The following LRRC49 variants were observed in gnomAD, a reference collection of about 807,000 sequenced individuals.
LRRC49 encodes the protein leucine-rich repeat-containing protein 49.
A neutral mutation model predicts 83.3 loss-of-function variants in LRRC49; 50 were observed. The ratio of observed to expected loss-of-function variants is 0.60; its 90% confidence interval spans 0.48 to 0.76. The LOEUF (loss-of-function observed/expected upper bound fraction) is 0.76. Ranked by LOEUF, LRRC49 falls within the 30% of genes least tolerant of loss-of-function variation. The pLI is 0.00. For missense variants in LRRC49, 704 were observed against 809.1 expected, an observed-to-expected ratio of 0.87 and a Z score of 1.58; for synonymous variants, 286 against 283.3, an observed-to-expected ratio of 1.01 and a Z score of -0.10.
intron 7 of LRRC49, among the ~76,000 whole-genome samples, chr15:70,934,825 A>G (rs564045400): frequency 6.6e-6 from 1 of 152,326 alleles, no homozygotes; most frequent in Admixed American, 6.5e-5. Context: ...TTGAGTGCCA[A>G]TAACAATGAT....
chr15:70,953,479 G>A lies in LRRC49; in HGVS notation c.774-10306G>A, dbSNP rs1276192930. ...ACCCCAAATCTCTTCTGGCTTATAA[G>A]GTTTCTACTAAAAGGTCCATTGTTA... On this transcript the variant is annotated intron_variant, in intron 8 of 15. Transcript: ENST00000260382. 3.9e-5 allele frequency among the ~76,000 whole-genome samples: 6 copies of A among 152,254 alleles called. 1 individual carries two copies. The South Asian group carries it at 1.2e-3, about 32-fold the overall frequency.
chr15:70,927,924 C>G (rs2035267245), intron 7 of LRRC49, among the ~76,000 whole-genome samples: 1 of 152,170 alleles, frequency 6.6e-6, no homozygotes, highest in African/African-American at 2.4e-5. Context: ...TCAGAGTTTA[C>G]AGGCATGAGC....
chr15:70,903,358 A>C (rs1386773038), intron 4 of LRRC49, among the ~76,000 whole-genome samples: 1 of 152,124 alleles, frequency 6.6e-6, no homozygotes, highest in Non-Finnish European at 1.5e-5. Context: ...TGAAAAAATA[A>C]TTGAATATAT....
chr15:70,859,060 C>T, intron 1 of LRRC49: 1 of 1,504,416 alleles, frequency 6.6e-7, no homozygotes, highest in Non-Finnish European at 9.2e-7. Context: ...AGCAGCAGAA[C>T]AAGATGCTGG....
intron 1 of LRRC49, among the ~76,000 whole-genome samples, chr15:70,862,275 G>A (rs1225332064): frequency 2.0e-5 from 3 of 151,944 alleles, no homozygotes; most frequent in African/African-American, 7.3e-5. Context: ...TCACCTGGGG[G>A]GCTTTTAAAA....
At chr15:70,984,003 A>T (rs529763179) in intron 10 of LRRC49, 91 bp from the exon 11 acceptor site, 22 of 898,826 alleles carry the variant, frequency 2.4e-5, no homozygotes, top group Non-Finnish European at 3.5e-5. Flanking sequence ...TAAAAGTATT[A>T]TAAGAAGGCA....
chr15:70,922,487 C>T (rs2035044363), intron 7 of LRRC49, among the ~76,000 whole-genome samples: 1 of 151,850 alleles, frequency 6.6e-6, no homozygotes, highest in Non-Finnish European at 1.5e-5. Flanking sequence ...CAATTGAACT[C>T]ATAGACATAG....
chr15:70,867,415 C>A (rs1476508980), intron 1 of LRRC49, among the ~76,000 whole-genome samples: 2 of 152,034 alleles, frequency 1.3e-5, no homozygotes, highest in South Asian at 2.1e-4. Context: ...AAAGTACTGT[C>A]CAAGAGATGA....
At chr15:70,901,987 T>TGAC (rs746762306) in intron 4 of LRRC49, among the ~76,000 whole-genome samples, 8 of 152,314 alleles carry the variant, frequency 5.3e-5, no homozygotes, top group South Asian at 2.1e-4. Flanking sequence ...AGTGCACACC[T>TGAC]GACAACAAAT....
Position 70,992,394 on chromosome 15 carries a change from G to A in LRRC49, c.1169+8137G>A, listed in dbSNP as rs187076397. Among the ~76,000 whole-genome samples, 322 of 152,336 alleles carry A rather than the reference G, an allele frequency of 2.1e-3. 3 individuals are homozygous for A. Among genetic ancestry groups the A allele is most frequent in the Admixed American group, 3.3e-3 (50 of 15,306 alleles). ...AGGGGGAGAGGCGCTCTGATTTTTA[G>A]AATTTTCAGCTTTTCTGCTCTGTTT... On this transcript the variant is annotated intron_variant, in intron 11 of 15. Transcript: ENST00000260382.
chr15:70,892,122 A>G (rs749123307), upstream of LRRC49: 2 of 1,613,900 alleles, frequency 1.2e-6, no homozygotes, highest in Non-Finnish European at 1.7e-6. Context: ...CAGATGACCG[A>G]GCGGTCATTG....
At chr15:70,945,900 A>G (rs1246262202) in intron 8 of LRRC49, among the ~76,000 whole-genome samples, 2 of 152,182 alleles carry the variant, frequency 1.3e-5, no homozygotes, top group Admixed American at 1.3e-4. Flanking sequence ...AAAGTAGTTT[A>G]GAACTGTCAA....
intron 4 of LRRC49, 73 bp from the exon 5 acceptor site, chr15:70,904,479 C>G: frequency 1.0e-6 from 1 of 1,000,278 alleles, no homozygotes; most frequent in Non-Finnish European, 1.5e-6. Flanking sequence ...CACAAAGATA[C>G]TACTAATAAT....
At position 70,936,826 on chromosome 15, in the gene LRRC49, A is replaced by G; in HGVS notation, c.773+4A>G. 6.3e-7 allele frequency: 1 copy of G among 1,594,576 alleles called. No individual in the cohort carries two copies. The highest frequency in any genetic ancestry group is 1.7e-5 in the Admixed American group (1 of 59,944). On this transcript the variant is annotated splice_donor_region_variant and intron_variant, in intron 8 of 15. Transcript: ENST00000260382. ...TCAGCTTTAACAATATATCTAGGTAAGTGGAAACTCCCAAGTTGTCATTCA... is the reference window on the plus strand; with the variant it reads ...TCAGCTTTAACAATATATCTAGGTAGGTGGAAACTCCCAAGTTGTCATTCA...
chr15:71,035,385 T>C (rs1263888948), intron 14 of LRRC49, among the ~76,000 whole-genome samples: 1 of 152,128 alleles, frequency 6.6e-6, no homozygotes, highest in African/African-American at 2.4e-5. Context: ...CTGGGGTACA[T>C]GTGCAGAATG....
At chr15:70,859,566 A>G (rs2032735156) in intron 1 of LRRC49, 3 of 664,952 alleles carry the variant, frequency 4.5e-6, no homozygotes, top group Non-Finnish European at 8.6e-6. Flanking sequence ...CACCAGATCA[A>G]GTATGAGGAG....
intron 1 of LRRC49, chr15:70,860,292 C>T (rs1024077182): frequency 7.5e-6 from 4 of 533,992 alleles, no homozygotes; most frequent in South Asian, 2.3e-5. Flanking sequence ...TCAGCCCACC[C>T]GCGGGGGAGT....
At chr15:71,016,309 T>G (rs1198031940) in intron 14 of LRRC49, among the ~76,000 whole-genome samples, 1 of 152,102 alleles carries the variant, frequency 6.6e-6, no homozygotes, top group African/African-American at 2.4e-5. Flanking sequence ...ATAAATCATA[T>G]ATAAATGAAT....
chr15:70,901,485 AT>A (rs2141108333), intron 4 of LRRC49, among the ~76,000 whole-genome samples: 1 of 152,106 alleles, frequency 6.6e-6, no homozygotes, highest in Admixed American at 6.6e-5. Context: ...GGTGCTTACT[AT>A]CCCCTCTGCC....
Sources: allele counts gnomAD v4.1 joint callset (sites outside exome capture counted in the v4.1 genomes callset), GRCh38; gene constraint gnomAD v4.1.1; transcripts MANE v1.5; gene names NCBI Gene and HGNC (gene_info 2026-07-23, HGNC 2026-07-21).